DHX8: variants seen among roughly 807,000 people sequenced by gnomAD.
DHX8 encodes the protein ATP-dependent RNA helicase DHX8.
DHX8 carries 67 observed loss-of-function variants against 140.7 expected under a neutral mutation model. The ratio of observed to expected loss-of-function variants is 0.48; its 90% CI spans 0.39 to 0.58. The LOEUF (loss-of-function observed/expected upper bound fraction) is 0.58. Ranked by LOEUF, DHX8 falls within the 20% of genes least tolerant of loss-of-function variation. DHX8 has a pLI of 0.00. For synonymous variants in DHX8, 533 were observed against 553.2 expected (o/e 0.96, Z 0.51); for missense variants, 887 against 1,550.7 (o/e 0.57, Z 7.19).
chr17:43,528,438 T>C, downstream of DHX8: 2 of 988,384 alleles, frequency 2.0e-6, no homozygotes, highest in Non-Finnish European at 3.0e-6. Flanking sequence ...GGGTTTCAGA[T>C]GAAGGTTTCC....
At chr17:43,528,358 C>A (rs560866512), downstream of DHX8, 14 of 543,926 alleles carry the variant, frequency 2.6e-5, no homozygotes, top group African/African-American at 1.9e-4. Context: ...CCAATGACTC[C>A]GGTGAGCAGC....
At chr17:43,540,886 CAG>C (rs1670923998) in intron 3 of DHX8, among the ~76,000 whole-genome samples, 1 of 152,120 alleles carries the variant, frequency 6.6e-6, no homozygotes, top group African/African-American at 2.4e-5. Flanking sequence ...GTGCAGAACT[CAG>C]GGGTGGCTGA....
Position 43,517,299 on chromosome 17 carries a change from G to A in DHX8, c.2776G>A (p.Ala926Thr). ...GCCGGAAATCCAGAGAACCAACTTA[G>A]CAAGCACAGTGCTGTCACTCAAGGT... Reference protein sequence around the residue: ...NVPEIQRTNLASTVLSLKAMG... With the variant: ...NVPEIQRTNLTSTVLSLKAMG... Residue 926 changes from alanine (A) to threonine (T), a missense_variant, in exon 18 of 23, where the codon GCA becomes ACA. Transcript: ENST00000262415. 6.2e-7 allele frequency: 1 copy of A among 1,614,082 alleles called. No homozygotes were observed.
intron 3 of DHX8, chr17:43,536,618 A>T (rs564739996): frequency 3.2e-5 from 22 of 679,376 alleles, no homozygotes; most frequent in South Asian, 2.9e-4. Flanking sequence ...ACATTGTAAG[A>T]ATTGTCTTGG....
intron 2 of DHX8, among the ~76,000 whole-genome samples, chr17:43,536,093 A>G (rs61425262): frequency 0.015 from 2,354 of 151,982 alleles, 66 homozygotes; most frequent in African/African-American, 0.055. Flanking sequence ...CCTGGGTGAC[A>G]GAGCAAGACT....
At position 43,520,745 on chromosome 17, in the gene DHX8, C is replaced by G. The variant is rs531463664; in HGVS notation, c.2938-6C>G. ...AAGCAGTTGTAGTCTTTTTTTGTCC[C>G]TCTAGATGGCAGAGTTCCCTCTGGA... On this transcript the variant is annotated splice_region_variant and splice_polypyrimidine_tract_variant and intron_variant, in intron 19 of 22. Transcript: ENST00000262415. 6.2e-7 allele frequency: 1 copy of G among 1,613,574 alleles called. No individual in the cohort carries two copies. The highest frequency in any genetic ancestry group is 2.2e-5 in the East Asian group (1 of 44,854).
intron 1 of DHX8, among the ~76,000 whole-genome samples, chr17:43,485,303 GAGGGGTT>G (rs1289517071): frequency 1.3e-5 from 2 of 152,150 alleles, no homozygotes; most frequent in African/African-American, 2.4e-5. Flanking sequence ...CAGGTGACAG[GAGGGGTT>G]AGGGAAGTTA....
intron 18 of DHX8, chr17:43,519,014 A>G (rs981460125): frequency 2.0e-5 from 3 of 152,192 alleles, no homozygotes; most frequent in South Asian, 2.1e-4. Context: ...GCAGATGGAC[A>G]TTTGGATTGT....
chr17:43,533,765 G>A, intron 2 of DHX8: 5 of 1,478,100 alleles, frequency 3.4e-6, no homozygotes, highest in Non-Finnish European at 4.6e-6. Context: ...TGTCTAACTT[G>A]CATCTCAGCT....
downstream of DHX8, chr17:43,529,896 C>A (rs1032429002): frequency 6.2e-7 from 1 of 1,614,066 alleles, no homozygotes; most frequent in African/African-American, 1.3e-5. Context: ...TCAAATTTCT[C>A]AGGGACAACG....
chr17:43,524,850 G>T lies in DHX8; in HGVS notation c.*1003G>T. On this transcript the variant is annotated 3_prime_UTR_variant, in exon 23 of 23. Transcript: ENST00000262415. ...TAACACCTCTCCTCTCAGCTGGTTTGTGCTGCCAGTATCTGTGCTGCAGGG... is the reference window on the plus strand; with the variant it reads ...TAACACCTCTCCTCTCAGCTGGTTTTTGCTGCCAGTATCTGTGCTGCAGGG... 1 of 985,328 alleles carries T rather than the reference G, an allele frequency of 1.0e-6. No homozygotes were observed. The highest frequency in any genetic ancestry group is 1.2e-6 in the Non-Finnish European group (1 of 829,924). The allele number at this position is 985,328 out of a possible 1,614,324, so 61.0% of individuals were successfully genotyped here.
chr17:43,492,383 A>G, intron 5 of DHX8, 91 bp downstream of exon 5: 1 of 940,956 alleles, frequency 1.1e-6, no homozygotes, highest in Non-Finnish European at 1.7e-6. Flanking sequence ...GGGCAAGTTT[A>G]CAGAATCTGG....
chr17:43,507,913 A>G lies in DHX8; in HGVS notation c.2214A>G (p.Pro738=). 1 of 1,614,236 alleles carries G rather than the reference A, an allele frequency of 6.2e-7. No homozygotes were observed. Among genetic ancestry groups the G allele is most frequent in the Non-Finnish European group, 8.5e-7 (1 of 1,180,032 alleles). The change falls in exon 15 of 23, where the codon CCA becomes CCG. Residue 738 remains proline, a synonymous_variant. Transcript: ENST00000262415. ...YFYEAPIFTI[P]GRTYPVEILY... is the part of the protein sequence containing the mutation. ...ATGAAGCTCCCATTTTCACCATCCC[A>G]GGTCGAACATATCCAGTGGAAATAC...
chr17:43,523,512 G>A, intron 22 of DHX8, 116 bp from the exon 23 acceptor site: 1 of 1,498,040 alleles, frequency 6.7e-7, no homozygotes, highest in Non-Finnish European at 8.9e-7. Context: ...ATAGGTGTCA[G>A]GCAGGAGAGG....
chr17:43,515,244 A>G (rs1437414717), intron 17 of DHX8, among the ~76,000 whole-genome samples: 5 of 152,286 alleles, frequency 3.3e-5, no homozygotes, highest in African/African-American at 9.6e-5. Context: ...TTTGGAGTGC[A>G]GTGGTGCAAT....
At chr17:43,528,730 C>G (rs373515634), downstream of DHX8, 2 of 1,614,042 alleles carry the variant, frequency 1.2e-6, no homozygotes, top group Non-Finnish European at 1.7e-6. Context: ...GTACACGTAA[C>G]GCTCACCAGC....
chr17:43,520,741 G>A lies in DHX8; in HGVS notation c.2938-10G>A. ...AGGGAAGCAGTTGTAGTCTTTTTTTGTCCCTCTAGATGGCAGAGTTCCCTC... is the reference window on the plus strand; with the variant it reads ...AGGGAAGCAGTTGTAGTCTTTTTTTATCCCTCTAGATGGCAGAGTTCCCTC... On this transcript the variant is annotated splice_polypyrimidine_tract_variant and intron_variant, in intron 19 of 22. Transcript: ENST00000262415. 6.2e-7 allele frequency: 1 copy of A among 1,611,618 alleles called. No homozygotes were observed.
intron 8 of DHX8, among the ~76,000 whole-genome samples, chr17:43,494,738 A>T (rs1332533033): frequency 1.3e-5 from 2 of 150,628 alleles, no homozygotes; most frequent in African/African-American, 4.9e-5. Context: ...AAAAAAAAAA[A>T]GTGAAACTCT....
chr17:43,487,636 G>A (rs1194247360), intron 1 of DHX8, among the ~76,000 whole-genome samples: 2 of 152,160 alleles, frequency 1.3e-5, no homozygotes, highest in Non-Finnish European at 2.9e-5. Context: ...TTACAGGCGT[G>A]AGCCACTGTC....
Sources: gnomAD v4.1 joint callset for allele counts (sites outside exome capture counted in the v4.1 genomes callset) on GRCh38, gnomAD v4.1.1 for gene constraint, MANE v1.5 for transcripts, NCBI Gene and HGNC (gene_info 2026-07-23, HGNC 2026-07-21) for gene names.